The following MAEA variants were observed in gnomAD, a reference collection of about 807,000 sequenced individuals.
MAEA encodes the protein macrophage erythroblast attacher, E3 ubiquitin ligase, also known as E3 ubiquitin-protein transferase MAEA.
Under a neutral mutation model 46.2 loss-of-function variants are expected in MAEA, and 22 were observed. The ratio of observed to expected loss-of-function variants is 0.48; its 90% confidence interval spans 0.34 to 0.68. MAEA has a LOEUF of 0.68. MAEA is among the 30% of genes least tolerant of loss of function. MAEA has a pLI of 0.01. For missense variants in MAEA, 393 were observed against 558.1 expected, an observed-to-expected ratio of 0.70 and a Z score of 2.98; for synonymous variants, 246 against 222.6, an observed-to-expected ratio of 1.11 and a Z score of -0.94.
intron 3 of MAEA, among the ~76,000 whole-genome samples, chr4:1,318,406 G>A (rs1737591910): frequency 6.6e-6 from 1 of 152,244 alleles, no homozygotes; most frequent in South Asian, 2.1e-4. Context: ...GTAGAGCAGG[G>A]TGGATATGGG....
chr4:1,295,224 G>A (rs1410434472), intron 1 of MAEA, among the ~76,000 whole-genome samples: 1 of 152,130 alleles, frequency 6.6e-6, no homozygotes, highest in African/African-American at 2.4e-5. Flanking sequence ...GGATGTCTGG[G>A]TGCTGACCCA....
In MAEA at chr4:1,339,135, A is replaced by G. The variant is rs1713200622; in HGVS notation, c.1157A>G (p.His386Arg). The change falls in exon 9 of 9, where the codon CAC (histidine) becomes CGC (arginine). Residue 386 changes from histidine (H) to arginine (R), a missense_variant. Physicochemically the swap from His to Arg is conservative, Grantham distance 29. Transcript: ENST00000303400. Reference protein sequence around the residue: ...VVCPRTKEVFHFSQAEKVYIM With the variant: ...VVCPRTKEVFRFSQAEKVYIM ...TGCCCGAGAACCAAAGAAGTCTTCC[A>G]CTTCTCACAAGCCGAGAAGGTGTAC... 1 of 1,613,924 alleles carries G rather than the reference A, an allele frequency of 6.2e-7. No individual in the cohort carries two copies.
chr4:1,334,181 C>T (rs1364973897), intron 6 of MAEA, among the ~76,000 whole-genome samples: 1 of 117,890 alleles, frequency 8.5e-6, no homozygotes, highest in East Asian at 2.2e-4. Flanking sequence ...CCCCTGTGCT[C>T]ATCACACTGG....
intron 1 of MAEA, among the ~76,000 whole-genome samples, chr4:1,293,760 G>A (rs936632443): frequency 1.3e-5 from 2 of 152,264 alleles, no homozygotes; most frequent in Non-Finnish European, 2.9e-5. Context: ...ATTCTCAGGT[G>A]TCTGAATTCT....
At chr4:1,314,820 T>C (rs898753337) in intron 2 of MAEA, among the ~76,000 whole-genome samples, 4 of 152,218 alleles carry the variant, frequency 2.6e-5, no homozygotes, top group African/African-American at 9.6e-5. Flanking sequence ...ATTGGTAGAA[T>C]GTGCTGAAAG....
chr4:1,315,747 C>G, intron 3 of MAEA, 147 bp downstream of exon 3: 1 of 567,934 alleles, frequency 1.8e-6, no homozygotes, highest in Non-Finnish European at 3.1e-6. Context: ...TTCCCCTCCC[C>G]CCACCCCCGT....
rs1736493025 is a variant in MAEA, at chr4:1,311,434, G to A, written c.70-545G>A. ...CAGGGAATGGATGGTTCTTACGACT[G>A]GGGAAGGCAAACGCTGTCACACAGG... On this transcript the variant is annotated intron_variant, in intron 1 of 8. Transcript: ENST00000303400. This position sits in a 1 kb window ranked among gnomAD's most constrained non-coding sequence, Gnocchi z 4.4. Among the ~76,000 whole-genome samples, 1 of 152,208 alleles carries A rather than the reference G, an allele frequency of 6.6e-6. No individual in the cohort carries two copies. Among genetic ancestry groups the A allele is most frequent in the Non-Finnish European group, 1.5e-5 (1 of 68,026 alleles).
rs758305863 is a variant in MAEA, at chr4:1,312,015, G to A, written c.106G>A (p.Ala36Thr). The change falls in exon 2 of 9, where the codon GCT (alanine) becomes ACT (threonine). Residue 36 changes from alanine (A) to threonine (T), a missense_variant. This residue lies in a region of MAEA where 358 missense variants were observed against 537.9 expected (regional missense o/e 0.67). Transcript: ENST00000303400. ...YETLNKRFRA[A>T]QKNIDRETSH... ...GACGCTGAACAAACGCTTTCGCGCC[G>A]CTCAGAAGAACATTGACCGGGAGAC... 2.0e-5 allele frequency: 33 copies of A among 1,613,750 alleles called. No homozygotes were observed. Among genetic ancestry groups the A allele is most frequent in the Non-Finnish European group, 2.6e-5 (31 of 1,179,922 alleles).
Position 1,338,293 on chromosome 4 carries a change from C to A in MAEA, c.900-129C>A, listed in dbSNP as rs1245622903. 16 of 680,764 alleles carry A rather than the reference C, an allele frequency of 2.4e-5. No individual in the cohort carries two copies. The Admixed American group carries it at 4.2e-4, about 18-fold the overall frequency. The allele number at this position is 680,764 out of a possible 1,614,324, so 42.2% of individuals were successfully genotyped here. A position where few individuals can be genotyped will look rare whatever the true frequency, so the allele number is the denominator to read the frequency against. Reference sequence around the variant, plus strand: ...GCACTTCCTGTGCCTCGAAAGACAGCCCCGTGTAGTCAGCATGGCGCCCAC... The same window carrying A: ...GCACTTCCTGTGCCTCGAAAGACAGACCCGTGTAGTCAGCATGGCGCCCAC... On this transcript the variant is annotated intron_variant, in intron 7 of 8. Transcript: ENST00000303400.
At chr4:1,318,604 T>C (rs1193540367) in intron 3 of MAEA, among the ~76,000 whole-genome samples, 1 of 152,110 alleles carries the variant, frequency 6.6e-6, no homozygotes, top group Non-Finnish European at 1.5e-5. Flanking sequence ...GCTGAGATGC[T>C]CCGGAGGGCG....
chr4:1,295,615 G>A (rs1056441215), intron 1 of MAEA, among the ~76,000 whole-genome samples: 8 of 133,558 alleles, frequency 6.0e-5, no homozygotes, highest in African/African-American at 1.2e-4. Context: ...TCCCACACCC[G>A]TGGTGGATGA....
intron 1 of MAEA, among the ~76,000 whole-genome samples, chr4:1,303,715 C>G (rs564802864): frequency 3.9e-5 from 6 of 152,152 alleles, no homozygotes; most frequent in African/African-American, 1.4e-4. Context: ...TTTGTACAAC[C>G]TTGTGCTTAT....
chr4:1,330,870 A>T (rs1430986804), intron 5 of MAEA: 1 of 152,072 alleles, frequency 6.6e-6, no homozygotes, highest in East Asian at 1.9e-4. Flanking sequence ...TGGGGTCAGG[A>T]TTTGTGGATC....
chr4:1,302,034 A>G (rs1735368475), intron 1 of MAEA, among the ~76,000 whole-genome samples: 1 of 152,234 alleles, frequency 6.6e-6, no homozygotes, highest in Admixed American at 6.5e-5. Flanking sequence ...TGAACCAGAC[A>G]AAGACATCAC....
chr4:1,312,806 C>T (rs562839135), intron 2 of MAEA, among the ~76,000 whole-genome samples: 1 of 152,216 alleles, frequency 6.6e-6, no homozygotes, highest in South Asian at 2.1e-4. Context: ...TGGACAGGGG[C>T]CTTGGGACTA....
chr4:1,305,729 A>G (rs59944614), intron 1 of MAEA, among the ~76,000 whole-genome samples: 22,937 of 151,398 alleles, frequency 0.15, 3,327 homozygotes, highest in East Asian at 0.42. Flanking sequence ...GTGTGTGCGC[A>G]CGCGTGTGTG....
At chr4:1,331,361 TGGACTCCCCAGGCTG>T (rs1354537496) in intron 5 of MAEA, 1 of 151,748 alleles carries the variant, frequency 6.6e-6, no homozygotes, top group African/African-American at 2.4e-5. Flanking sequence ...GTCAGCCATG[TGGACTCCCCAGGCTG>T]GGTCCCAAGC....
intron 1 of MAEA, among the ~76,000 whole-genome samples, chr4:1,301,601 C>T (rs1735326412): frequency 6.6e-6 from 1 of 152,194 alleles, no homozygotes; most frequent in South Asian, 2.1e-4. Context: ...CTTTGGGAGG[C>T]TGAGGCAGGA....
intron 1 of MAEA, among the ~76,000 whole-genome samples, chr4:1,292,777 C>T (rs765897795): frequency 6.6e-6 from 1 of 151,886 alleles, no homozygotes; most frequent in African/African-American, 2.4e-5. Flanking sequence ...CTCAGCCTTG[C>T]GTCCTGGCTG....
Sources: gnomAD v4.1 joint callset for allele counts (sites outside exome capture counted in the v4.1 genomes callset) on GRCh38, gnomAD v4.1.1 for gene constraint, gnomAD v4.1.1 regional missense constraint, Gnocchi (gnomAD v3.1) non-coding constraint, MANE v1.5 for transcripts, NCBI Gene and HGNC (gene_info 2026-07-23, HGNC 2026-07-21) for gene names.